Variants in IQANK1 observed in about 807,000 individuals in gnomAD.
IQANK1 encodes the protein IQ motif and ankyrin repeat domain-containing protein 1.
In IQANK1, 30 loss-of-function variants were observed where a neutral mutation model predicts 22.6. That is an observed-to-expected ratio of 1.33 (90% CI 0.99 to 1.80). The LOEUF is 1.80. Ranked by LOEUF, IQANK1 falls within the 40% of genes most tolerant of loss-of-function variation. The pLI is 0.00. For synonymous variants in IQANK1, 122 were observed against 99.6 expected, an observed-to-expected ratio of 1.23 and a Z score of -1.34; for missense variants, 275 against 235.2, an observed-to-expected ratio of 1.17 and a Z score of -1.11.
At chr8:143,752,706 T>G (rs562164116) in intron 3 of IQANK1, among the ~76,000 whole-genome samples, 1 of 152,338 alleles carries the variant, frequency 6.6e-6, no homozygotes, top group African/African-American at 2.4e-5. Flanking sequence ...TGCCTAAGTA[T>G]TAAATACAGT....
chr8:143,751,767 T>C (rs1819198866), intron 3 of IQANK1, among the ~76,000 whole-genome samples: 1 of 150,536 alleles, frequency 6.6e-6, no homozygotes, highest in Non-Finnish European at 1.5e-5. Context: ...AGCTTTGAGT[T>C]ACCATCTAGT....
intron 8 of IQANK1, 58 bp downstream of exon 8, chr8:143,789,121 G>T: frequency 2.5e-6 from 1 of 401,830 alleles, no homozygotes; most frequent in South Asian, 1.2e-4. Flanking sequence ...CTGGCAGGGA[G>T]CCCGGGCAGG....
intron 3 of IQANK1, among the ~76,000 whole-genome samples, chr8:143,748,859 C>CATATATAAATATATAAATATATATATA (rs1819107235): frequency 9.5e-6 from 1 of 105,584 alleles, no homozygotes; most frequent in Non-Finnish European, 1.6e-5. Flanking sequence ...ATATATATAT[C>CATATATAAATATATAAATATATATATA]ATATATAAAT....
At chr8:143,759,170 C>A in intron 3 of IQANK1, 1 of 270,108 alleles carries the variant, frequency 3.7e-6, no homozygotes, top group Non-Finnish European at 7.2e-6. Context: ...CTGCAGGCAG[C>A]AAGAGACATG....
At chr8:143,772,593 G>T in intron 7 of IQANK1, 111 bp downstream of exon 7, 1 of 398,002 alleles carries the variant, frequency 2.5e-6, no homozygotes, top group African/African-American at 2.1e-5. Flanking sequence ...AGTCTGGCAG[G>T]TGCACACCCA....
intron 3 of IQANK1, chr8:143,742,595 C>T (rs540974607): frequency 4.8e-4 from 218 of 456,112 alleles, no homozygotes; most frequent in African/African-American, 3.7e-3. Flanking sequence ...CTGGGAAACC[C>T]AGCCTGGGAA....
Position 143,790,220 on chromosome 8 carries a change from C to G in IQANK1, c.1373C>G (p.Pro458Arg). ...QDTNYVDTVNPEPLRPETMWL... is the reference protein window; with the variant it reads ...QDTNYVDTVNREPLRPETMWL... Reference sequence around the variant, plus strand: ...ACCAACTATGTGGACACGGTGAACCCGGAGCCCCTGAGGCCGGAGACGATG... The same window carrying G: ...ACCAACTATGTGGACACGGTGAACCGGGAGCCCCTGAGGCCGGAGACGATG... The change falls in exon 13 of 14, where the codon CCG becomes CGG. Residue 458 changes from proline (P) to arginine (R), a missense_variant. Transcript: ENST00000527139. 1.6e-6 allele frequency: 2 copies of G among 1,232,114 alleles called. No homozygotes were observed. Among genetic ancestry groups the G allele is most frequent in the South Asian group, 4.1e-5 (1 of 24,324 alleles). 76.3% of individuals were successfully genotyped at this position (1,232,114 alleles called of 1,614,324 possible).
chr8:143,763,406 A>T (rs1483370814), intron 3 of IQANK1, among the ~76,000 whole-genome samples: 1 of 152,194 alleles, frequency 6.6e-6, no homozygotes, highest in East Asian at 1.9e-4. Context: ...TAAGTATTTT[A>T]TATTTATTAG....
At chr8:143,738,513 C>T (rs1402431564) in intron 2 of IQANK1, among the ~76,000 whole-genome samples, 3 of 152,166 alleles carry the variant, frequency 2.0e-5, no homozygotes, top group Non-Finnish European at 2.9e-5. Flanking sequence ...CGCGGTGGCT[C>T]GCCTGGGCTG....
rs34038799 is a variant in IQANK1, at chr8:143,749,599, ATTTT to A, written c.175+9662_175+9665del. On this transcript the variant is annotated intron_variant, in intron 3 of 13. Coordinates refer to ENST00000527139, the MANE Select transcript of IQANK1 (RefSeq NM_001381874.1). ...ATATATATATTTTATTTATTTATTT[ATTTT>A]TTTTTTTTTTGAGACGGAATCTCAC... is the stretch of plus-strand genomic sequence containing the variant. 1.1e-3 allele frequency among the ~76,000 whole-genome samples: 151 copies of A among 137,958 alleles called. 7 individuals carry two copies. The highest frequency in any genetic ancestry group is 3.1e-3 in the African/African-American group (119 of 38,394). The allele number at this position is 137,958 out of a possible 152,430, so 90.5% of individuals were successfully genotyped here.
chr8:143,748,751 T>TAA (rs1819097405), intron 3 of IQANK1, among the ~76,000 whole-genome samples: 1 of 101,546 alleles, frequency 9.8e-6, no homozygotes, highest in Admixed American at 1.3e-4. Flanking sequence ...TAAATATATA[T>TAA]CATATAAATA....
intron 7 of IQANK1, among the ~76,000 whole-genome samples, chr8:143,778,707 A>T (rs4875051): frequency 6.6e-6 from 1 of 152,076 alleles, no homozygotes; most frequent in Non-Finnish European, 1.5e-5. Flanking sequence ...CACTTCATCC[A>T]TCTCGCCCCA....
At chr8:143,776,335 A>AG (rs1194473132) in intron 7 of IQANK1, among the ~76,000 whole-genome samples, 2 of 151,108 alleles carry the variant, frequency 1.3e-5, no homozygotes, top group Non-Finnish European at 2.9e-5. Context: ...CTCAAAAAAA[A>AG]AAAAAAAAAA....
intron 7 of IQANK1, among the ~76,000 whole-genome samples, chr8:143,778,141 G>A (rs1345719051): frequency 6.6e-6 from 1 of 151,650 alleles, no homozygotes; most frequent in Non-Finnish European, 1.5e-5. Context: ...CTTGCAGTGA[G>A]CCAAGATCGC....
In IQANK1 at chr8:143,789,847, G is replaced by A; in HGVS notation, c.1173G>A (p.Glu391=). The A allele has an allele frequency of 8.1e-7, 1 of 1,232,138 alleles. No homozygotes were observed. The highest frequency in any genetic ancestry group is 4.1e-5 in the South Asian group (1 of 24,322). The allele number at this position is 1,232,138 out of a possible 1,614,324, so 76.3% of individuals were successfully genotyped here. A position where few individuals can be genotyped will look rare whatever the true frequency, so the allele number is the denominator to read the frequency against. Residue 391 remains glutamate, a synonymous_variant, in exon 11 of 14, where the codon GAG becomes GAA. Coordinates refer to ENST00000527139, the MANE Select transcript of IQANK1 (RefSeq NM_001381874.1). The part of the protein sequence containing the change: ...AEEALAMARL[E]LREQTQEGEE... The stretch of plus-strand genomic sequence containing the variant: ...AGGCGCTGGCTATGGCCAGGCTGGA[G>A]CTTCGGGAGCAGACGCAGGAGGGTG...
At chr8:143,761,842 G>C (rs1819402980) in intron 3 of IQANK1, among the ~76,000 whole-genome samples, 1 of 149,766 alleles carries the variant, frequency 6.7e-6, no homozygotes, top group African/African-American at 2.5e-5. Flanking sequence ...TATAGGATCT[G>C]CAATAAAAAG....
intron 2 of IQANK1, among the ~76,000 whole-genome samples, chr8:143,738,556 G>A (rs540786293): frequency 6.6e-6 from 1 of 152,216 alleles, no homozygotes; most frequent in South Asian, 2.1e-4. Flanking sequence ...ACGGCGGCAC[G>A]GGGCTTTACA....
chr8:143,771,190 T>C lies in IQANK1; in HGVS notation c.176-298T>C, dbSNP rs554895347. The stretch of plus-strand genomic sequence containing the variant: ...TCCCGCGGGGGACAGCACCCCTTCC[T>C]CACCGTTCCTCGGGGCTCCCGAGCT... On this transcript the variant is annotated intron_variant, in intron 3 of 13. Coordinates refer to ENST00000527139, the MANE Select transcript of IQANK1 (RefSeq NM_001381874.1). This position sits in a 1 kb window ranked among gnomAD's most constrained non-coding sequence, Gnocchi z 6.0. Among the ~76,000 whole-genome samples, 1 of 152,282 alleles carries C rather than the reference T, an allele frequency of 6.6e-6. No individual in the cohort carries two copies. The highest frequency in any genetic ancestry group is 2.4e-5 in the African/African-American group (1 of 41,564).
At chr8:143,779,865 A>G (rs2129934507) in intron 7 of IQANK1, among the ~76,000 whole-genome samples, 1 of 152,294 alleles carries the variant, frequency 6.6e-6, no homozygotes, top group East Asian at 1.9e-4. Flanking sequence ...TGAGTATCAC[A>G]ATTTCTTTTA....
Sources: allele counts gnomAD v4.1 joint callset (sites outside exome capture counted in the v4.1 genomes callset), GRCh38; gene constraint gnomAD v4.1.1; non-coding constraint Gnocchi (gnomAD v3.1); transcripts MANE v1.5; gene names NCBI Gene and HGNC (gene_info 2026-07-23, HGNC 2026-07-21).